The following CNTN3 variants were observed in gnomAD, a reference collection of about 807,000 sequenced individuals.
The protein encoded by CNTN3 is contactin 3.
Under a neutral mutation model 119.1 loss-of-function variants are expected in CNTN3, and 60 were observed. That is an observed-to-expected ratio of 0.50 (90% CI 0.41 to 0.62). CNTN3 has a LOEUF of 0.62. CNTN3 is among the 20% of genes least tolerant of loss of function. The pLI, the probability that CNTN3 is intolerant of heterozygous loss-of-function variation, is 0.00. For missense variants in CNTN3, 1,101 were observed against 1,242.4 expected, an observed-to-expected ratio of 0.89 and a Z score of 1.71; for synonymous variants, 450 against 438.7, an observed-to-expected ratio of 1.03 and a Z score of -0.32.
chr3:74,485,691 T>G (rs1351146735), intron 4 of CNTN3, among the ~76,000 whole-genome samples: 2 of 151,354 alleles, frequency 1.3e-5, no homozygotes, highest in Non-Finnish European at 2.9e-5. Flanking sequence ...AATCATGATA[T>G]GCATTATGTA....
At chr3:74,275,872 C>T (rs1460621280) in intron 20 of CNTN3, among the ~76,000 whole-genome samples, 1 of 152,032 alleles carries the variant, frequency 6.6e-6, no homozygotes, top group African/African-American at 2.4e-5. Flanking sequence ...ATTCACCAAA[C>T]AAATATCTGC....
intron 4 of CNTN3, among the ~76,000 whole-genome samples, chr3:74,448,491 T>G (rs982781293): frequency 1.3e-5 from 2 of 152,134 alleles, no homozygotes; most frequent in Non-Finnish European, 2.9e-5. Flanking sequence ...CTCAGAAATA[T>G]CTGACAAGTA....
chr3:74,521,051 T>G lies in CNTN3; in HGVS notation c.55+7A>C, dbSNP rs1703535053. ...CTCAACTTAGAAAATATAGGATTTTTTTTTACCTCCTAAGCAGCCAATGAA... is the reference window on the plus strand; with the variant it reads ...CTCAACTTAGAAAATATAGGATTTTGTTTTACCTCCTAAGCAGCCAATGAA... On this transcript the variant is annotated splice_region_variant and intron_variant, in intron 2 of 22. Coordinates refer to ENST00000263665, the MANE Select transcript of CNTN3 (RefSeq NM_020872.3). 1 of 1,575,010 alleles carries G rather than the reference T, an allele frequency of 6.3e-7. No homozygotes were observed. Among genetic ancestry groups the G allele is most frequent in the Admixed American group, 1.8e-5 (1 of 56,438 alleles).
chr3:74,474,151 G>A (rs1271422697), intron 4 of CNTN3, among the ~76,000 whole-genome samples: 1 of 152,148 alleles, frequency 6.6e-6, no homozygotes, highest in South Asian at 2.1e-4. Flanking sequence ...GGTGGTACTG[G>A]TGGGAAGAGT....
intron 5 of CNTN3, among the ~76,000 whole-genome samples, chr3:74,404,982 A>G (rs1478463263): frequency 1.3e-5 from 2 of 151,936 alleles, no homozygotes; most frequent in Non-Finnish European, 2.9e-5. Flanking sequence ...ATCTCCATAG[A>G]CCAAAATGAA....
intron 13 of CNTN3, among the ~76,000 whole-genome samples, chr3:74,324,882 T>A (rs970622249): frequency 6.6e-6 from 1 of 152,190 alleles, no homozygotes; most frequent in Non-Finnish European, 1.5e-5. Flanking sequence ...GCCTGTACTG[T>A]GAGAGAAAAC....
intron 13 of CNTN3, among the ~76,000 whole-genome samples, chr3:74,306,226 AAAAAG>A (rs1270565019): frequency 4.0e-5 from 6 of 148,192 alleles, no homozygotes; most frequent in Admixed American, 6.8e-5. Context: ...AAAAAAAAAA[AAAAAG>A]AAACTCGGTA....
At chr3:74,526,221 A>AG in intron 1 of CNTN3, among the ~76,000 whole-genome samples, 1 of 151,236 alleles carries the variant, frequency 6.6e-6, no homozygotes, top group South Asian at 2.1e-4. Context: ...TCTTCACCAA[A>AG]AAAAAACTTG....
chr3:74,411,592 T>G (rs1701439444), intron 5 of CNTN3, among the ~76,000 whole-genome samples: 1 of 152,202 alleles, frequency 6.6e-6, no homozygotes, highest in South Asian at 2.1e-4. Flanking sequence ...TCCTCATACT[T>G]TTCCATGGGG....
intron 2 of CNTN3, among the ~76,000 whole-genome samples, chr3:74,518,368 GT>G (rs1703486155): frequency 6.6e-6 from 1 of 151,932 alleles, no homozygotes; most frequent in Admixed American, 6.6e-5. Context: ...TTTGAAATAA[GT>G]TTTTCTGTAA....
Position 74,299,878 on chromosome 3 carries a change from A to G in CNTN3, c.2156T>C (p.Ile719Thr). ...GGGGSRSELVITWDPVPEELQ... is the reference protein window; with the variant it reads ...GGGGSRSELVTTWDPVPEELQ... ...TGCCCAAACACTTACATCCCAGGTT[A>G]TCACAAGTTCAGACCGGCTTCCGCC... The change falls in exon 17 of 23, where the codon ATA (isoleucine) becomes ACA (threonine). Residue 719 changes from isoleucine (I) to threonine (T), a missense_variant. Ile to Thr is a moderately conservative substitution (Grantham distance 89). Transcript: ENST00000263665. 1 of 1,606,978 alleles carries G rather than the reference A, an allele frequency of 6.2e-7. No homozygotes were observed. Among genetic ancestry groups the G allele is most frequent in the Non-Finnish European group, 8.5e-7 (1 of 1,176,932 alleles).
chr3:74,338,165 T>G (rs373754166), intron 11 of CNTN3, among the ~76,000 whole-genome samples: 3 of 152,060 alleles, frequency 2.0e-5, no homozygotes, highest in Non-Finnish European at 4.4e-5. Context: ...AGTATCAGCA[T>G]GGCGTCATAT....
chr3:74,591,207 T>C (rs933543532), intron 1 of CNTN3, among the ~76,000 whole-genome samples: 3 of 151,902 alleles, frequency 2.0e-5, no homozygotes, highest in African/African-American at 7.3e-5. Context: ...GTGAGTAAGT[T>C]TGTTACATAT....
intron 11 of CNTN3, among the ~76,000 whole-genome samples, chr3:74,358,963 G>A (rs1405446684): frequency 6.6e-6 from 1 of 151,862 alleles, no homozygotes; most frequent in Non-Finnish European, 1.5e-5. Context: ...TGGCTGCATA[G>A]TATTCCATGG....
rs541224769 is a variant in CNTN3 at position 74,396,921 on chromosome 3, C to T, written c.455-25522G>A. 3.9e-5 allele frequency among the ~76,000 whole-genome samples: 6 copies of T among 152,112 alleles called. 1 individual carries two copies. The highest frequency in any genetic ancestry group is 1.2e-4 in the African/African-American group (5 of 41,502). ...GCAGCACATTTTCCAGGACAGCCAG[C>T]GAAGATCATTGATGAAGATGGCTAC... On this transcript the variant is annotated intron_variant, in intron 5 of 22. Transcript: ENST00000263665.
chr3:74,521,850 G>C, intron 1 of CNTN3, among the ~76,000 whole-genome samples: 1 of 151,808 alleles, frequency 6.6e-6, no homozygotes, highest in Non-Finnish European at 1.5e-5. Context: ...GTGTCATTTT[G>C]AGTGGCCACT....
chr3:74,574,302 G>A (rs929938913), intron 1 of CNTN3, among the ~76,000 whole-genome samples: 5 of 152,124 alleles, frequency 3.3e-5, no homozygotes, highest in Non-Finnish European at 2.9e-5. Context: ...AAGAGACTGG[G>A]GAGTGATTGC....
At chr3:74,340,529 A>G (rs1160079873) in intron 11 of CNTN3, among the ~76,000 whole-genome samples, 1 of 152,126 alleles carries the variant, frequency 6.6e-6, no homozygotes, top group African/African-American at 2.4e-5. Context: ...TTTTGGGGCC[A>G]TGACACCCAA....
At position 74,301,651 on chromosome 3, in the gene CNTN3, T is replaced by C; in HGVS notation, c.1941A>G (p.Thr647=). 6 of 1,614,004 alleles carry C rather than the reference T, an allele frequency of 3.7e-6. No individual in the cohort carries two copies. The highest frequency in any genetic ancestry group is 5.1e-6 in the Non-Finnish European group (6 of 1,179,942). Reference sequence around the variant, plus strand: ...CATCTGCCTCTCCTGCTTTACCTGTTGTGACGGTTTGCCAACCCACGGAGA... The same window carrying C: ...CATCTGCCTCTCCTGCTTTACCTGTCGTGACGGTTTGCCAACCCACGGAGA... ...TPFSVGWQTV[T]TVPEVIDGKT... Residue 647 remains threonine (T), a synonymous_variant, in exon 15 of 23, where the codon ACA becomes ACG. Transcript: ENST00000263665.
Sources: gnomAD v4.1 joint callset for allele counts (sites outside exome capture counted in the v4.1 genomes callset) on GRCh38, gnomAD v4.1.1 for gene constraint, MANE v1.5 for transcripts, NCBI Gene and HGNC (gene_info 2026-07-23, HGNC 2026-07-21) for gene names.